LAMC3: variants seen among roughly 807,000 people sequenced by gnomAD.
The protein encoded by LAMC3 is laminin subunit gamma 3.
LAMC3 carries 128 observed loss-of-function variants against 173.8 expected under a neutral mutation model. The ratio of observed to expected loss-of-function variants is 0.74; its 90% CI spans 0.64 to 0.85. The LOEUF is 0.85. Among genes scored for constraint, LAMC3 ranks in the 40% least tolerant of loss-of-function variants. The probability of loss-of-function intolerance (pLI) is 0.00; values close to 1 mark genes in which losing one functional copy is unlikely to be tolerated. For synonymous variants in LAMC3, 897 were observed against 909.1 expected, an observed-to-expected ratio of 0.99 and a Z score of 0.24; for missense variants, 2,022 against 2,156.0, an observed-to-expected ratio of 0.94 and a Z score of 1.23.
Position 131,078,442 on chromosome 9 carries a change from G to A in LAMC3, c.3778-707G>A, listed in dbSNP as rs1441729540. ...GGAGCTTGCAGTAAGCTGAGATTGC[G>A]CCACTGCACTCCAGCCTAGGTGACA... On this transcript the variant is annotated intron_variant, in intron 22 of 27. Coordinates refer to ENST00000361069, the MANE Select transcript of LAMC3 (RefSeq NM_006059.4). 2.6e-5 allele frequency among the ~76,000 whole-genome samples: 4 copies of A among 152,090 alleles called. No homozygotes were observed. The South Asian group carries it at 6.2e-4, about 24-fold the overall frequency.
At chr9:131,027,792 C>G (rs1349147368) in intron 2 of LAMC3, among the ~76,000 whole-genome samples, 1 of 152,232 alleles carries the variant, frequency 6.6e-6, no homozygotes, top group Non-Finnish European at 1.5e-5. Context: ...GCGCGCATGA[C>G]AGCTCCCCGT....
At chr9:131,067,337 T>C (rs895915677) in intron 14 of LAMC3, 132 bp downstream of exon 14, 21 of 1,113,598 alleles carry the variant, frequency 1.9e-5, no homozygotes, top group Admixed American at 3.6e-5. Context: ...CTGTCCAGCC[T>C]CAGGCAGGTC....
rs1222727400 is a variant in LAMC3, at chr9:131,092,141, CACATT to C, written c.*358_*362del. 2 of 357,756 alleles carry C rather than the reference CACATT, an allele frequency of 5.6e-6. No homozygotes were observed. Among genetic ancestry groups the C allele is most frequent in the Admixed American group, 4.1e-5 (1 of 24,614 alleles). The allele number at this position is 357,756 out of a possible 1,614,324, so 22.2% of individuals were successfully genotyped here. On this transcript the variant is annotated 3_prime_UTR_variant, in exon 28 of 28. Coordinates refer to ENST00000361069, the MANE Select transcript of LAMC3 (RefSeq NM_006059.4). ...TCCAGTCAGCAGCTTACGGTCCACA[CACATT>C]ACAGTCCACAGCTGTTGTGAGAGCC... is the stretch of plus-strand genomic sequence containing the variant.
chr9:131,032,548 CTCTCTCTCGCTCTCTCTCTT>C, intron 3 of LAMC3, among the ~76,000 whole-genome samples: 1 of 124,952 alleles, frequency 8.0e-6, no homozygotes, highest in African/African-American at 4.9e-5. Context: ...CTCTCTCTTG[CTCTCTCTCGCTCTCTCTCTT>C]GCTCTCTCTC....
chr9:131,039,348 G>A (rs1834003462), intron 6 of LAMC3, 100 bp downstream of exon 6: 1 of 980,412 alleles, frequency 1.0e-6, no homozygotes. Context: ...ATCCCTTCCT[G>A]TCTGCAGCTA....
chr9:131,059,721 C>A (rs1180341036), intron 12 of LAMC3, among the ~76,000 whole-genome samples: 1 of 152,166 alleles, frequency 6.6e-6, no homozygotes, highest in Non-Finnish European at 1.5e-5. Flanking sequence ...GTTTGTCATC[C>A]CCACAGAGCC....
rs562049769 is a variant in LAMC3 at position 131,057,731 on chromosome 9, G to A, written c.2158+584G>A. 2.6e-3 allele frequency among the ~76,000 whole-genome samples: 401 copies of A among 152,326 alleles called. 2 individuals are homozygous for A. The highest frequency in any genetic ancestry group is 1.9e-3 in the Non-Finnish European group (127 of 68,026). On this transcript the variant is annotated intron_variant, in intron 12 of 27. Coordinates refer to ENST00000361069, the MANE Select transcript of LAMC3 (RefSeq NM_006059.4). Reference sequence around the variant, plus strand: ...TACACTGCTTCTGTTTCTACACAAAGCCATATGGTGGTCAGGAGACGCTCA... The same window carrying A: ...TACACTGCTTCTGTTTCTACACAAAACCATATGGTGGTCAGGAGACGCTCA...
intron 12 of LAMC3, among the ~76,000 whole-genome samples, chr9:131,057,401 G>A (rs1378136762): frequency 6.6e-6 from 1 of 152,242 alleles, no homozygotes; most frequent in Non-Finnish European, 1.5e-5. Context: ...ATAACCATAA[G>A]CCAGCTGCTC....
intron 23 of LAMC3, among the ~76,000 whole-genome samples, chr9:131,081,855 G>A (rs1198034849): frequency 1.1e-4 from 17 of 152,182 alleles, no homozygotes; most frequent in Admixed American, 1.1e-3. Flanking sequence ...GGGCTTTTGT[G>A]GACAGGTATC....
At chr9:131,031,931 T>A (rs1329132298) in intron 2 of LAMC3, 114 bp from the exon 3 acceptor site, 1 of 1,583,570 alleles carries the variant, frequency 6.3e-7, no homozygotes, top group Non-Finnish European at 8.6e-7. Flanking sequence ...GCTCGGCCTG[T>A]TCCTGTGTCC....
intron 11 of LAMC3, among the ~76,000 whole-genome samples, chr9:131,054,862 G>A (rs1588154010): frequency 6.6e-6 from 1 of 152,090 alleles, no homozygotes; most frequent in Non-Finnish European, 1.5e-5. Context: ...GAAAAGAAAA[G>A]AAAGAAAGGT....
chr9:131,079,792 C>T (rs553425425), intron 23 of LAMC3, among the ~76,000 whole-genome samples: 1 of 152,034 alleles, frequency 6.6e-6, no homozygotes, highest in African/African-American at 2.4e-5. Flanking sequence ...CCTGATACCC[C>T]GAGAAGAGAT....
At chr9:131,033,129 G>T (rs1268759002) in intron 3 of LAMC3, among the ~76,000 whole-genome samples, 1 of 152,164 alleles carries the variant, frequency 6.6e-6, no homozygotes, top group Non-Finnish European at 1.5e-5. Context: ...GGAAGCAGGG[G>T]CTGCCTAGGA....
rs1274886506 is a variant in LAMC3 at position 131,036,230 on chromosome 9, T to C, written c.874T>C (p.Cys292Arg). ...PDVAGQLACR[C>R]QHNTTGTDCE... The stretch of plus-strand genomic sequence containing the variant: ...CGTGGCAGGCCAGTTGGCCTGCCGG[T>C]GCCAGCACAACACCACCGGCACAGA... Residue 292 changes from cysteine to arginine, a missense_variant, in exon 4 of 28, where the codon TGC becomes CGC. Physicochemically the swap from Cys to Arg is radical, Grantham distance 180. Transcript: ENST00000361069. 1.2e-6 allele frequency: 2 copies of C among 1,612,942 alleles called. No individual in the cohort carries two copies. The highest frequency in any genetic ancestry group is 2.7e-5 in the African/African-American group (2 of 74,902).
rs12115676 is a variant in LAMC3, at chr9:131,085,654, G to A, written c.4161G>A (p.Ala1387=). Residue 1387 remains alanine, a synonymous_variant, in exon 25 of 28, where the codon GCG becomes GCA. Transcript: ENST00000361069. ...TKQAERMLGN[A]APLSSSAKKK... ...AGGCGGAGAGGATGCTGGGAAACGC[G>A]GCCCCTCTTTCCTCCAGTGCCAAGA... is the stretch of plus-strand genomic sequence containing the variant. 1.2e-3 allele frequency: 1,997 copies of A among 1,614,184 alleles called. 17 individuals carry two copies. In the African/African-American group the frequency reaches 0.023, roughly 19 times the overall value.
At chr9:131,032,535 T>TCTCTCTCTCGCTCTCTCTCG (rs1833849241) in intron 3 of LAMC3, among the ~76,000 whole-genome samples, 2 of 128,182 alleles carry the variant, frequency 1.6e-5, no homozygotes, top group Admixed American at 1.5e-4. Flanking sequence ...TCTCTCGCTG[T>TCTCTCTCTCGCTCTCTCTCG]CTCTCTCTCT....
At chr9:131,068,028 AACAG>A in intron 14 of LAMC3, 46 bp from the exon 15 acceptor site, 1 of 1,598,326 alleles carries the variant, frequency 6.3e-7, no homozygotes, top group Non-Finnish European at 8.5e-7. Context: ...CCAAAGTTGG[AACAG>A]ACAATCTGCA....
intron 7 of LAMC3, among the ~76,000 whole-genome samples, chr9:131,042,566 T>G (rs1834075436): frequency 6.6e-6 from 1 of 151,538 alleles, no homozygotes; most frequent in Non-Finnish European, 1.5e-5. Flanking sequence ...GGTATAACCA[T>G]GGCAAACATC....
intron 16 of LAMC3, 117 bp downstream of exon 16, chr9:131,069,167 G>C: frequency 8.1e-7 from 1 of 1,240,750 alleles, no homozygotes; most frequent in Non-Finnish European, 1.2e-6. Flanking sequence ...ACATGGGACA[G>C]GGTCCCGAGA....
Sources: allele counts gnomAD v4.1 joint callset (sites outside exome capture counted in the v4.1 genomes callset), GRCh38; gene constraint gnomAD v4.1.1; transcripts MANE v1.5; gene names NCBI Gene and HGNC (gene_info 2026-07-23, HGNC 2026-07-21).